The following BCL11B variants were observed in gnomAD, a reference collection of about 807,000 sequenced individuals.
BCL11B encodes BCL11 transcription factor B.
A neutral mutation model predicts 49.9 loss-of-function variants in BCL11B; 8 were observed. The ratio of observed to expected loss-of-function variants is 0.16; its 90% CI spans 0.09 to 0.29. The LOEUF (loss-of-function observed/expected upper bound fraction) is 0.29, where lower values mean the gene tolerates loss of function less well. Among genes scored for constraint, BCL11B ranks in the 10% least tolerant of loss-of-function variants. BCL11B has a pLI of 1.00. For synonymous variants in BCL11B, 739 were observed against 637.4 expected, an observed-to-expected ratio of 1.16 and a Z score of -2.40; for missense variants, 1,006 against 1,351.0, an observed-to-expected ratio of 0.74 and a Z score of 4.00.
chr14:99,216,897 CA>C (rs1246212232), intron 3 of BCL11B, among the ~76,000 whole-genome samples: 12 of 149,920 alleles, frequency 8.0e-5, no homozygotes, highest in Non-Finnish European at 1.5e-4. Context: ...ATACCATATA[CA>C]CTCAGACATA....
At chr14:99,180,347 TG>T (rs1457742435) in intron 3 of BCL11B, among the ~76,000 whole-genome samples, 4 of 152,206 alleles carry the variant, frequency 2.6e-5, no homozygotes, top group African/African-American at 9.6e-5. Context: ...CGTCTTCCCT[TG>T]CTTCTTTCCA....
chr14:99,216,615 C>A lies in BCL11B; in HGVS notation c.640+14730G>T, dbSNP rs374214378. Among the ~76,000 whole-genome samples, 5 of 152,258 alleles carry A rather than the reference C, an allele frequency of 3.3e-5. No individual in the cohort carries two copies. The East Asian group carries it at 5.8e-4, about 18-fold the overall frequency. On this transcript the variant is annotated intron_variant, in intron 3 of 3. Transcript: ENST00000357195. ...GTGAATTCAGCTCTAGAGAGAGACTCGCCCTCAAAGGCCTCAGCAGGCCTC... is the reference window on the plus strand; with the variant it reads ...GTGAATTCAGCTCTAGAGAGAGACTAGCCCTCAAAGGCCTCAGCAGGCCTC...
intron 3 of BCL11B, among the ~76,000 whole-genome samples, chr14:99,219,298 T>C (rs538077403): frequency 6.6e-6 from 1 of 152,208 alleles, no homozygotes; most frequent in East Asian, 1.9e-4. Context: ...CCTCCCAAAG[T>C]GCTGGGATTA....
rs112156889 is a variant in BCL11B at position 99,257,586 on chromosome 14, G to A, written c.312C>T (p.Ser104=). 5.0e-5 allele frequency: 80 copies of A among 1,613,998 alleles called. No homozygotes were observed. Among genetic ancestry groups the A allele is most frequent in the African/African-American group, 9.3e-5 (7 of 74,916 alleles). The change falls in exon 2 of 4, where the codon TCC becomes TCT. Residue 104 remains serine (S), a synonymous_variant. Coordinates refer to ENST00000357195, the MANE Select transcript of BCL11B (RefSeq NM_138576.4). The surrounding 1 kb of genome is among the most constrained non-coding windows in gnomAD (Gnocchi z 6.2). ...DKDSPPPSSR[S]ELRKVSEPVE... ...CCGGCTCGGACACTTTCCTGAGCTC[G>A]GAGCGTGAGGAGGGTGGCGGGCTGT...
rs34831762 is a variant in BCL11B, at chr14:99,234,855, CAAA to C, written c.428-3301_428-3299del. On this transcript the variant is annotated intron_variant, in intron 2 of 3. Coordinates refer to ENST00000357195, the MANE Select transcript of BCL11B (RefSeq NM_138576.4). ...AACGCTGGCTTTGGAGGTCTATGCA[CAAA>C]AAAAAAAAAAAAAAAAAAAAAAGTC... Among the ~76,000 whole-genome samples the C allele has an allele frequency of 2.1e-3, 142 of 66,640 alleles. 1 individual carries two copies. Among genetic ancestry groups the C allele is most frequent in the African/African-American group, 7.8e-3 (128 of 16,454 alleles). 43.7% of individuals were successfully genotyped at this position (66,640 alleles called of 152,430 possible).
At chr14:99,264,736 C>G (rs1403464484) in intron 1 of BCL11B, 1 of 152,204 alleles carries the variant, frequency 6.6e-6, no homozygotes, top group Non-Finnish European at 1.5e-5. Flanking sequence ...CATCTAGTGT[C>G]ACTTTTGCCA....
At chr14:99,204,482 G>A (rs1887478254) in intron 3 of BCL11B, among the ~76,000 whole-genome samples, 1 of 152,142 alleles carries the variant, frequency 6.6e-6, no homozygotes, top group African/African-American at 2.4e-5. Context: ...GGAGAACTCA[G>A]AACTTTGCTC....
Position 99,175,759 on chromosome 14 carries a change from G to A in BCL11B, c.1077C>T (p.Pro359=), listed in dbSNP as rs981015976. 8.9e-6 allele frequency: 13 copies of A among 1,468,126 alleles called. No homozygotes were observed. Among genetic ancestry groups the A allele is most frequent in the Admixed American group, 2.6e-5 (1 of 37,848 alleles). 90.9% of individuals were successfully genotyped at this position (1,468,126 alleles called of 1,614,324 possible). A position where few individuals can be genotyped will look rare whatever the true frequency, so the allele number is the denominator to read the frequency against. Residue 359 remains proline, a synonymous_variant, in exon 4 of 4, where the codon CCC becomes CCT. Transcript: ENST00000357195. ...GGAGCCGCCGCGAGAAGTCCATGGC[G>A]GGCGAGTCGATGGCCATGGGGTTCA... ...MRLNPMAIDS[P]AMDFSRRLRE...
intron 3 of BCL11B, among the ~76,000 whole-genome samples, chr14:99,212,422 G>C (rs949374920): frequency 4.6e-5 from 7 of 152,144 alleles, no homozygotes; most frequent in Non-Finnish European, 7.4e-5. Flanking sequence ...TGGCCACATT[G>C]GGTGTCTGCT....
intron 2 of BCL11B, among the ~76,000 whole-genome samples, chr14:99,235,754 A>C (rs543781274): frequency 2.0e-5 from 3 of 151,976 alleles, no homozygotes; most frequent in Non-Finnish European, 2.9e-5. Flanking sequence ...CAGCGGTGGC[A>C]GCAGCAAGCC....
chr14:99,260,654 T>A (rs1889309397), intron 1 of BCL11B, among the ~76,000 whole-genome samples: 2 of 152,104 alleles, frequency 1.3e-5, no homozygotes, highest in African/African-American at 2.4e-5. Context: ...CCTCTTTTTT[T>A]TATTTTTTTA....
Position 99,175,074 on chromosome 14 carries a change from C to T in BCL11B, c.1762G>A (p.Ala588Thr), listed in dbSNP as rs1253746529. 2.5e-6 allele frequency: 4 copies of T among 1,600,660 alleles called. No homozygotes were observed. The highest frequency in any genetic ancestry group is 3.4e-6 in the Non-Finnish European group (4 of 1,177,534). Residue 588 changes from alanine to threonine, a missense_variant, in exon 4 of 4, where the codon GCT (alanine) becomes ACT (threonine). By Grantham distance (58) the Ala-to-Thr change is moderately conservative. Transcript: ENST00000357195. ...CCCAGCACCAGCGCCTTCTCGTCAGCCAGCGCCTTGGCCGCGCCGCCCCCC... is the reference window on the plus strand; with the variant it reads ...CCCAGCACCAGCGCCTTCTCGTCAGTCAGCGCCTTGGCCGCGCCGCCCCCC... ...GAGGGAAKALADEKALVLGKV... is the reference protein window; with the variant it reads ...GAGGGAAKALTDEKALVLGKV...
chr14:99,229,370 C>CTT (rs1261133740), intron 3 of BCL11B, among the ~76,000 whole-genome samples: 2,953 of 152,240 alleles, frequency 0.019, 104 homozygotes, highest in African/African-American at 0.067. Context: ...GGCAGAGCCC[C>CTT]CCAGAGCCAA....
intron 3 of BCL11B, among the ~76,000 whole-genome samples, chr14:99,200,698 C>G (rs1169879000): frequency 6.6e-6 from 1 of 152,246 alleles, no homozygotes; most frequent in Non-Finnish European, 1.5e-5. Context: ...GCCACATGTC[C>G]CTGGCATGGC....
At chr14:99,259,626 C>A (rs770934900) in intron 1 of BCL11B, among the ~76,000 whole-genome samples, 1 of 152,082 alleles carries the variant, frequency 6.6e-6, no homozygotes, top group East Asian at 1.9e-4. Flanking sequence ...GCCCCGCAGA[C>A]GAGGAAATCC....
chr14:99,196,983 C>G (rs1887196891), intron 3 of BCL11B, among the ~76,000 whole-genome samples: 2 of 152,206 alleles, frequency 1.3e-5, no homozygotes, highest in South Asian at 2.1e-4. Context: ...CTTCCATGTT[C>G]TGGTTCCTTC....
rs746201733 is a variant in BCL11B at position 99,175,872 on chromosome 14, G to T, written c.964C>A (p.Arg322Ser). ...GTPPLFSPPP[R>S]HHLDPHRLSA... The stretch of plus-strand genomic sequence containing the variant: ...AGGCGGTGCGGGTCCAGGTGGTGGC[G>T]CGGCGGGGGACTGAAGAGAGGCGGC... Residue 322 changes from arginine to serine, a missense_variant, in exon 4 of 4, where the codon CGC becomes AGC. This residue lies in a region of BCL11B where 411 missense variants were observed against 542.2 expected (regional missense o/e 0.76). Transcript: ENST00000357195. 6.8e-7 allele frequency: 1 copy of T among 1,470,540 alleles called. No individual in the cohort carries two copies. The highest frequency in any genetic ancestry group is 2.7e-5 in the Admixed American group (1 of 37,536). 91.1% of individuals were successfully genotyped at this position (1,470,540 alleles called of 1,614,324 possible).
chr14:99,175,744 C>T lies in BCL11B; in HGVS notation c.1092G>A (p.Ser364=). ...MAIDSPAMDF[S]RRLRELAGNS... is the part of the protein sequence containing the mutation. ...TGCCCGCCAGCTCGCGGAGCCGCCG[C>T]GAGAAGTCCATGGCGGGCGAGTCGA... The change falls in exon 4 of 4, where the codon TCG becomes TCA. Residue 364 remains serine, a synonymous_variant. Coordinates refer to ENST00000357195, the MANE Select transcript of BCL11B (RefSeq NM_138576.4). 4 of 1,480,822 alleles carry T rather than the reference C, an allele frequency of 2.7e-6. No homozygotes were observed. Among genetic ancestry groups the T allele is most frequent in the East Asian group, 2.5e-5 (1 of 39,710 alleles). 91.7% of individuals were successfully genotyped at this position (1,480,822 alleles called of 1,614,324 possible).
chr14:99,186,269 C>T, intron 3 of BCL11B, among the ~76,000 whole-genome samples: 1 of 152,206 alleles, frequency 6.6e-6, no homozygotes, highest in African/African-American at 2.4e-5. Context: ...GCCTGTAATC[C>T]CAGCACTTTG....
Sources: gnomAD v4.1 joint callset for allele counts (sites outside exome capture counted in the v4.1 genomes callset) on GRCh38, gnomAD v4.1.1 for gene constraint, gnomAD v4.1.1 regional missense constraint, Gnocchi (gnomAD v3.1) non-coding constraint, MANE v1.5 for transcripts, NCBI Gene and HGNC (gene_info 2026-07-23, HGNC 2026-07-21) for gene names.